Variants in SUZ12 observed in about 807,000 individuals in gnomAD.
The protein encoded by SUZ12 is polycomb protein SUZ12.
A neutral mutation model predicts 87.3 loss-of-function variants in SUZ12; 17 were observed. The ratio of observed to expected loss-of-function variants is 0.19; its 90% CI spans 0.13 to 0.29. The LOEUF is 0.29. Among genes scored for constraint, SUZ12 ranks in the 10% least tolerant of loss-of-function variants. SUZ12 has a pLI of 1.00. For missense variants in SUZ12, 526 were observed against 912.2 expected (o/e 0.58, Z 5.45); for synonymous variants, 253 against 312.4 (o/e 0.81, Z 2.01).
intron 5 of SUZ12, 102 bp downstream of exon 5, chr17:31,966,298 T>A: frequency 1.0e-6 from 1 of 976,810 alleles, no homozygotes; most frequent in Non-Finnish European, 1.5e-6. Flanking sequence ...AAATTAAGTT[T>A]AATGGAAAAT....
intron 4 of SUZ12, among the ~76,000 whole-genome samples, chr17:31,961,554 A>G (rs1907715138): frequency 6.6e-6 from 1 of 152,162 alleles, no homozygotes; most frequent in Admixed American, 6.5e-5. Context: ...AAACAAAACA[A>G]AACAAAAAAA....
chr17:31,957,895 CTTTTTTTTTTTTTTTTT>C (rs1181314058), intron 4 of SUZ12, among the ~76,000 whole-genome samples: 1 of 91,332 alleles, frequency 1.1e-5, no homozygotes, highest in Non-Finnish European at 2.2e-5. Flanking sequence ...ACCTTTTGTC[CTTTTTTTTTTTTTTTTT>C]TTTTTTTTGA....
At chr17:31,943,032 A>G (rs1255177991) in intron 3 of SUZ12, among the ~76,000 whole-genome samples, 2 of 152,204 alleles carry the variant, frequency 1.3e-5, no homozygotes, top group African/African-American at 2.4e-5. Context: ...AGTTGTGTAA[A>G]TCTTGTATTT....
intron 3 of SUZ12, among the ~76,000 whole-genome samples, chr17:31,944,443 A>T (rs1168611202): frequency 6.6e-6 from 1 of 152,202 alleles, no homozygotes; most frequent in Non-Finnish European, 1.5e-5. Flanking sequence ...GTACACATTT[A>T]AAATCTAAGT....
In SUZ12 at chr17:31,947,671, G is replaced by C; in HGVS notation, c.441G>C (p.Glu147Asp). The C allele has an allele frequency of 6.2e-7, 1 of 1,607,736 alleles. No individual in the cohort carries two copies. The highest frequency in any genetic ancestry group is 1.1e-5 in the South Asian group (1 of 90,538). Reference protein sequence around the residue: ...MLSKVEKMKGEQESHSLSAHL... With the variant: ...MLSKVEKMKGDQESHSLSAHL... ...CAAAAGTAGAGAAAATGAAAGGAGA[G>C]CAAGAATCTCATAGGTAAGATAATC... is the stretch of plus-strand genomic sequence containing the variant. Residue 147 changes from glutamate (E) to aspartate (D), a missense_variant, in exon 4 of 16, where the codon GAG becomes GAC. By Grantham distance (45) the Glu-to-Asp change is conservative. This residue lies in a region of SUZ12 where 49 missense variants were observed against 73.2 expected (regional missense o/e 0.67). Coordinates refer to ENST00000322652, the MANE Select transcript of SUZ12 (RefSeq NM_015355.4).
intron 4 of SUZ12, among the ~76,000 whole-genome samples, chr17:31,950,681 C>CA (rs1906914717): frequency 6.6e-6 from 1 of 150,548 alleles, no homozygotes; most frequent in Admixed American, 6.6e-5. Context: ...GACTCTGTCT[C>CA]AAAAAAAGAA....
chr17:31,963,073 C>A (rs111470621), intron 4 of SUZ12, among the ~76,000 whole-genome samples: 34 of 152,128 alleles, frequency 2.2e-4, no homozygotes, highest in African/African-American at 7.5e-4. Context: ...AAATCTGATT[C>A]ATGTAAAAAT....
chr17:31,994,537 A>T lies in SUZ12; in HGVS notation c.1438-27A>T, dbSNP rs749462223. On this transcript the variant is annotated intron_variant, in intron 12 of 15. Coordinates refer to ENST00000322652, the MANE Select transcript of SUZ12 (RefSeq NM_015355.4). ...ATATTTAGGATAGGATACTTAATAT[A>T]TTTTTTTTTTTACATTTTTGTTGCA... is the stretch of plus-strand genomic sequence containing the variant. The T allele has an allele frequency of 2.1e-5, 26 of 1,248,976 alleles. No individual in the cohort carries two copies. The Admixed American group carries it at 2.5e-4, about 12-fold the overall frequency. The allele number at this position is 1,248,976 out of a possible 1,614,324, so 77.4% of individuals were successfully genotyped here. A position where few individuals can be genotyped will look rare whatever the true frequency, so the allele number is the denominator to read the frequency against.
intron 4 of SUZ12, among the ~76,000 whole-genome samples, chr17:31,957,765 C>G (rs1270516670): frequency 1.3e-5 from 2 of 151,412 alleles, no homozygotes; most frequent in Non-Finnish European, 2.9e-5. Context: ...AGGCTGGCCT[C>G]GAATTCTTGA....
At chr17:31,997,730 A>AAGAC (rs1164156823) in intron 15 of SUZ12, among the ~76,000 whole-genome samples, 4 of 151,684 alleles carry the variant, frequency 2.6e-5, no homozygotes, top group Non-Finnish European at 5.9e-5. Flanking sequence ...AGCAGAAGGC[A>AAGAC]AGACAGAGCT....
intron 10 of SUZ12, among the ~76,000 whole-genome samples, chr17:31,990,299 A>C (rs1294252741): frequency 1.3e-5 from 2 of 150,866 alleles, no homozygotes; most frequent in Non-Finnish European, 2.9e-5. Context: ...TTTAGTAGAG[A>C]TGGGGTTTCA....
At chr17:31,960,547 A>C (rs892253247) in intron 4 of SUZ12, among the ~76,000 whole-genome samples, 2 of 151,914 alleles carry the variant, frequency 1.3e-5, no homozygotes, top group African/African-American at 2.4e-5. Context: ...GAAATCATGC[A>C]TAGCAAGTCA....
intron 9 of SUZ12, among the ~76,000 whole-genome samples, chr17:31,988,101 G>T (rs1417551932): frequency 6.6e-6 from 1 of 152,096 alleles, no homozygotes; most frequent in African/African-American, 2.4e-5. Flanking sequence ...ATCAGTGGTC[G>T]CCTCTTTTAG....
At chr17:31,938,234 C>T (rs1444477941) in intron 1 of SUZ12, among the ~76,000 whole-genome samples, 1 of 152,330 alleles carries the variant, frequency 6.6e-6, no homozygotes, top group East Asian at 1.9e-4. Context: ...TGTCTGGAAA[C>T]AAACAATAGA....
chr17:31,956,889 C>T (rs1166379506), intron 4 of SUZ12, among the ~76,000 whole-genome samples: 1 of 151,996 alleles, frequency 6.6e-6, no homozygotes, highest in Non-Finnish European at 1.5e-5. Context: ...GATTCTCATG[C>T]CTCAGCCTCC....
chr17:31,960,975 G>A (rs1461220856), intron 4 of SUZ12, among the ~76,000 whole-genome samples: 1 of 152,190 alleles, frequency 6.6e-6, no homozygotes, highest in Non-Finnish European at 1.5e-5. Context: ...ACGTTGGGAG[G>A]CTGAGGCAGG....
At chr17:31,977,681 G>T (rs1045696866) in intron 8 of SUZ12, among the ~76,000 whole-genome samples, 15 of 152,240 alleles carry the variant, frequency 9.9e-5, no homozygotes, top group African/African-American at 3.4e-4. Flanking sequence ...ACGAGGTCAG[G>T]AGTTCGAGAC....
intron 9 of SUZ12, among the ~76,000 whole-genome samples, chr17:31,983,783 A>G (rs1260686234): frequency 6.6e-6 from 1 of 152,244 alleles, no homozygotes. Context: ...GTTAACGGCT[A>G]TTTTAAATTC....
chr17:31,977,096 G>A (rs1469985218), intron 8 of SUZ12, among the ~76,000 whole-genome samples: 5 of 152,014 alleles, frequency 3.3e-5, no homozygotes, highest in African/African-American at 7.2e-5. Flanking sequence ...GTAAATCTTG[G>A]GGTTATGTGT....
Sources: allele counts gnomAD v4.1 joint callset (sites outside exome capture counted in the v4.1 genomes callset), GRCh38; gene constraint gnomAD v4.1.1; regional missense constraint gnomAD v4.1.1; transcripts MANE v1.5; gene names NCBI Gene and HGNC (gene_info 2026-07-23, HGNC 2026-07-21).